The following BCAS1 variants were observed in gnomAD, a reference collection of about 807,000 sequenced individuals.
BCAS1 encodes breast carcinoma-amplified sequence 1.
A neutral mutation model predicts 65.4 loss-of-function variants in BCAS1; 46 were observed. The ratio of observed to expected loss-of-function variants is 0.70; its 90% CI spans 0.55 to 0.90. BCAS1 has a LOEUF of 0.90. BCAS1 is among the 40% of genes least tolerant of loss of function. The pLI is 0.00. For synonymous variants in BCAS1, 298 were observed against 293.5 expected, an observed-to-expected ratio of 1.02 and a Z score of -0.16; for missense variants, 793 against 771.2, an observed-to-expected ratio of 1.03 and a Z score of -0.33.
At chr20:54,062,668 A>G (rs1354212360) in intron 1 of BCAS1, among the ~76,000 whole-genome samples, 2 of 152,378 alleles carry the variant, frequency 1.3e-5, no homozygotes, top group East Asian at 1.9e-4. Context: ...GTACAGAAGT[A>G]GGAGAGAAGA....
intron 3 of BCAS1, among the ~76,000 whole-genome samples, chr20:54,029,864 C>G (rs543356309): frequency 6.6e-6 from 1 of 152,146 alleles, no homozygotes; most frequent in Non-Finnish European, 1.5e-5. Context: ...TAAGTTCATG[C>G]GCTCTCTGTC....
intron 3 of BCAS1, among the ~76,000 whole-genome samples, chr20:54,029,469 C>G (rs899383562): frequency 1.3e-5 from 2 of 152,190 alleles, no homozygotes; most frequent in African/African-American, 4.8e-5. Context: ...AGACGCCGGT[C>G]ACATTTCCCA....
At chr20:54,062,489 G>T (rs965668088) in intron 1 of BCAS1, among the ~76,000 whole-genome samples, 5 of 152,128 alleles carry the variant, frequency 3.3e-5, no homozygotes, top group African/African-American at 4.8e-5. Flanking sequence ...TACACACAAA[G>T]TATCTCTATC....
rs373114175 is a variant in BCAS1, at chr20:54,028,989, A to C, written c.143-17T>G. On this transcript the variant is annotated splice_polypyrimidine_tract_variant and intron_variant, in intron 3 of 12. Coordinates refer to ENST00000688948, the MANE Select transcript of BCAS1 (RefSeq NM_001366298.2). The stretch of plus-strand genomic sequence containing the variant: ...CCAAGTCGACTGTAAACACAAACAT[A>C]AACAGTGGTTATTCAGCCAAGCCGG... 3.8e-6 allele frequency: 6 copies of C among 1,587,514 alleles called. No individual in the cohort carries two copies. The African/African-American group carries it at 5.4e-5, about 14-fold the overall frequency.
intron 7 of BCAS1, among the ~76,000 whole-genome samples, chr20:53,986,042 T>C (rs1259429298): frequency 6.6e-6 from 1 of 152,240 alleles, no homozygotes; most frequent in Non-Finnish European, 1.5e-5. Flanking sequence ...AAAAGGCAAC[T>C]AGGCTGGAAC....
intron 8 of BCAS1, among the ~76,000 whole-genome samples, chr20:53,979,767 A>T (rs891726998): frequency 6.6e-6 from 1 of 152,244 alleles, no homozygotes; most frequent in Admixed American, 6.5e-5. Flanking sequence ...TATGTTCAGC[A>T]TTCTATGAAA....
At chr20:53,991,771 C>T (rs558006501) in intron 7 of BCAS1, among the ~76,000 whole-genome samples, 4 of 152,280 alleles carry the variant, frequency 2.6e-5, no homozygotes, top group African/African-American at 7.2e-5. Context: ...AGAAAGATAA[C>T]ATTATTACTT....
At chr20:53,972,726 T>G (rs2145676095) in intron 9 of BCAS1, among the ~76,000 whole-genome samples, 1 of 152,334 alleles carries the variant, frequency 6.6e-6, no homozygotes, top group South Asian at 2.1e-4. Flanking sequence ...TCCCTAAAAT[T>G]ATTGAGTTCC....
At chr20:54,041,909 C>CCA (rs1555878246) in intron 3 of BCAS1, among the ~76,000 whole-genome samples, 94 of 79,668 alleles carry the variant, frequency 1.2e-3, no homozygotes, top group African/African-American at 2.1e-3. Flanking sequence ...CTGTCTCCCC[C>CCA]AAAAAAAAAA....
chr20:53,977,396 C>A (rs755436681), intron 8 of BCAS1, among the ~76,000 whole-genome samples: 10 of 152,210 alleles, frequency 6.6e-5, no homozygotes, highest in African/African-American at 9.7e-5. Flanking sequence ...GCCAGACCTC[C>A]TCAAGGCCGG....
intron 3 of BCAS1, among the ~76,000 whole-genome samples, chr20:54,052,609 CG>C (rs2146289721): frequency 6.6e-6 from 1 of 152,248 alleles, no homozygotes; most frequent in South Asian, 2.1e-4. Flanking sequence ...ACTTTATAAA[CG>C]GACTTGAGGG....
chr20:53,990,909 C>T (rs951910598), intron 7 of BCAS1, among the ~76,000 whole-genome samples: 2 of 152,184 alleles, frequency 1.3e-5, no homozygotes, highest in African/African-American at 4.8e-5. Flanking sequence ...GCTGTTCCCG[C>T]GGCCTCTTCC....
chr20:54,043,132 A>AG (rs1220515882), intron 3 of BCAS1, among the ~76,000 whole-genome samples: 1 of 152,224 alleles, frequency 6.6e-6, no homozygotes, highest in Non-Finnish European at 1.5e-5. Context: ...AAAGCTGCAA[A>AG]GGGGGCCAGC....
intron 7 of BCAS1, among the ~76,000 whole-genome samples, chr20:53,989,093 C>T (rs1306523414): frequency 6.6e-6 from 1 of 152,088 alleles, no homozygotes; most frequent in Non-Finnish European, 1.5e-5. Flanking sequence ...TAAAGAATTA[C>T]AGTGCATTAA....
chr20:54,012,140 A>G (rs1700487660), intron 4 of BCAS1, among the ~76,000 whole-genome samples: 2 of 152,186 alleles, frequency 1.3e-5, no homozygotes, highest in Non-Finnish European at 2.9e-5. Flanking sequence ...AAAAAAGCCT[A>G]TGTAAAAAAG....
At chr20:53,950,914 T>C (rs1278693057) in intron 12 of BCAS1, among the ~76,000 whole-genome samples, 1 of 152,170 alleles carries the variant, frequency 6.6e-6, no homozygotes, top group Non-Finnish European at 1.5e-5. Flanking sequence ...AATGTTCCAA[T>C]AAAAATTTAT....
At chr20:54,023,409 C>A (rs2091603866) in intron 4 of BCAS1, among the ~76,000 whole-genome samples, 1 of 152,120 alleles carries the variant, frequency 6.6e-6, no homozygotes, top group Non-Finnish European at 1.5e-5. Context: ...ACAGGAATTC[C>A]CTGGTAAGAT....
Position 53,995,875 on chromosome 20 carries a change from A to G in BCAS1, c.882+17T>C, listed in dbSNP as rs1421573311. The G allele has an allele frequency of 2.5e-6, 4 of 1,581,408 alleles. No homozygotes were observed. The highest frequency in any genetic ancestry group is 3.4e-6 in the Non-Finnish European group (4 of 1,163,438). ...TGAGCAATAGAGTGGAGGGGAAAAG[A>G]GGAGAAAACTGCTTACCAGAGTTTT... On this transcript the variant is annotated intron_variant, in intron 5 of 12. Coordinates refer to ENST00000688948, the MANE Select transcript of BCAS1 (RefSeq NM_001366298.2).
At chr20:54,041,246 C>T (rs1029822578) in intron 3 of BCAS1, among the ~76,000 whole-genome samples, 5 of 151,324 alleles carry the variant, frequency 3.3e-5, no homozygotes, top group Non-Finnish European at 7.4e-5. Context: ...TGGAATTAGA[C>T]GTGGAACGAT....
Sources: gnomAD v4.1 joint callset for allele counts (sites outside exome capture counted in the v4.1 genomes callset) on GRCh38, gnomAD v4.1.1 for gene constraint, MANE v1.5 for transcripts, NCBI Gene and HGNC (gene_info 2026-07-23, HGNC 2026-07-21) for gene names.